The following RPH3AL variants were observed in gnomAD, a reference collection of about 807,000 sequenced individuals.
RPH3AL encodes rabphilin 3A like (without C2 domains).
A neutral mutation model predicts 43.1 loss-of-function variants in RPH3AL; 38 were observed. That is an observed-to-expected ratio of 0.88 (90% CI 0.68 to 1.15). The LOEUF (loss-of-function observed/expected upper bound fraction) is 1.15. Among genes scored for constraint, RPH3AL ranks in the 50% most tolerant of loss-of-function variants. The probability of loss-of-function intolerance (pLI) is 0.00; values close to 1 mark genes in which losing one functional copy is unlikely to be tolerated. For synonymous variants in RPH3AL, 189 were observed against 176.3 expected, an observed-to-expected ratio of 1.07 and a Z score of -0.57; for missense variants, 462 against 423.2, an observed-to-expected ratio of 1.09 and a Z score of -0.81.
chr17:304,963 GA>G (rs1342632590), intron 5 of RPH3AL, among the ~76,000 whole-genome samples: 8 of 51,974 alleles, frequency 1.5e-4, no homozygotes, highest in African/African-American at 5.1e-4. Context: ...GGGACAGGGC[GA>G]GAGGGGGACA....
intron 7 of RPH3AL, among the ~76,000 whole-genome samples, chr17:236,064 C>A (rs1391350927): frequency 6.7e-6 from 1 of 149,650 alleles, no homozygotes; most frequent in Non-Finnish European, 1.5e-5. Context: ...AGGTTCAAAG[C>A]TGGGGTCGGC....
intron 7 of RPH3AL, among the ~76,000 whole-genome samples, chr17:223,428 C>T (rs115067209): frequency 1.4e-3 from 208 of 152,246 alleles, no homozygotes; most frequent in African/African-American, 4.7e-3. Flanking sequence ...ATGCAAAACA[C>T]TGGTGGTTAC....
Position 333,445 on chromosome 17 carries a change from T to A in RPH3AL, c.-37+314A>T. On this transcript the variant is annotated intron_variant, in intron 2 of 9. Transcript: ENST00000331302. This position sits in a 1 kb window ranked among gnomAD's most constrained non-coding sequence, Gnocchi z 4.5. ...GTAATAAAATTGGGTTCTTACTGCA[T>A]ACGCTGCTTGCTGGTTTCTAAATAA... The A allele has an allele frequency of 4.1e-6, 2 of 488,422 alleles. No homozygotes were observed. The highest frequency in any genetic ancestry group is 7.1e-5 in the East Asian group (1 of 13,992). The allele number at this position is 488,422 out of a possible 1,614,324, so 30.3% of individuals were successfully genotyped here.
chr17:290,138 G>A lies in RPH3AL; in HGVS notation c.352-8284C>T, dbSNP rs775501875. On this transcript the variant is annotated intron_variant, in intron 5 of 9. Transcript: ENST00000331302. The surrounding 1 kb of genome is among the most constrained non-coding windows in gnomAD (Gnocchi z 4.2). ...GACAGGCTCCCTCCCGGAACATGCC[G>A]ACCTGCCGGGAAGACAAGCTGCACG... Among the ~76,000 whole-genome samples the A allele has an allele frequency of 5.9e-5, 9 of 152,222 alleles. No individual in the cohort carries two copies. The highest frequency in any genetic ancestry group is 1.9e-4 in the East Asian group (1 of 5,202).
chr17:275,661 C>T (rs1395447897), intron 6 of RPH3AL, among the ~76,000 whole-genome samples: 1 of 152,188 alleles, frequency 6.6e-6, no homozygotes, highest in Non-Finnish European at 1.5e-5. Context: ...AGTCCTCCCA[C>T]CTCAGCCTCC....
rs1241586772 is a variant in RPH3AL, at chr17:323,847, A to C, written c.78-2432T>G. 6.8e-6 allele frequency among the ~76,000 whole-genome samples: 1 copy of C among 147,000 alleles called. No individual in the cohort carries two copies. Among genetic ancestry groups the C allele is most frequent in the Non-Finnish European group, 1.5e-5 (1 of 66,572 alleles). ...CGCGAGACAGTCCAGACCCTCAGTC[A>C]CCTTGCGAGGCAGGCCTGGACCCTC... On this transcript the variant is annotated intron_variant, in intron 3 of 9. Transcript: ENST00000331302. This position sits in a 1 kb window ranked among gnomAD's most constrained non-coding sequence, Gnocchi z 4.4.
At chr17:214,005 T>A in intron 9 of RPH3AL, 82 bp from the exon 10 acceptor site, 1 of 1,063,482 alleles carries the variant, frequency 9.4e-7, no homozygotes, top group South Asian at 1.5e-5. Flanking sequence ...CCTTTGGGAA[T>A]GAGATGGAGG....
At chr17:226,522 T>G (rs1184104227) in intron 7 of RPH3AL, among the ~76,000 whole-genome samples, 6 of 152,046 alleles carry the variant, frequency 3.9e-5, no homozygotes, top group Non-Finnish European at 7.4e-5. Flanking sequence ...TCGAAAGAAA[T>G]AAACCAAAGG....
chr17:242,259 CTATTGAT>C (rs2041560182), intron 7 of RPH3AL, among the ~76,000 whole-genome samples: 4 of 131,204 alleles, frequency 3.0e-5, no homozygotes, highest in South Asian at 4.8e-4. Flanking sequence ...TTACCTTCCT[CTATTGAT>C]TACCTTCCTC....
intron 5 of RPH3AL, among the ~76,000 whole-genome samples, chr17:284,855 G>A (rs1050903766): frequency 1.3e-5 from 2 of 152,190 alleles, no homozygotes; most frequent in African/African-American, 4.8e-5. Context: ...GTGCCCACAC[G>A]GTCAGGTTCT....
chr17:217,363 C>G (rs1307351121), intron 8 of RPH3AL, among the ~76,000 whole-genome samples: 1 of 76,592 alleles, frequency 1.3e-5, no homozygotes, highest in African/African-American at 3.0e-5. Flanking sequence ...AAATTGGCCT[C>G]ACTGAAATCA....
chr17:346,548 C>T lies in RPH3AL; in HGVS notation c.-213+6164G>A, dbSNP rs139769129. Reference sequence around the variant, plus strand: ...CTTATTCACTCTCATGAGAACAGCACGGGAAAGACCCGCCCCCATGATTCA... The same window carrying T: ...CTTATTCACTCTCATGAGAACAGCATGGGAAAGACCCGCCCCCATGATTCA... On this transcript the variant is annotated intron_variant, in intron 1 of 9. Transcript: ENST00000331302. Among the ~76,000 whole-genome samples the T allele has an allele frequency of 8.8e-3, 1,179 of 133,700 alleles. 258 individuals carry two copies. Among genetic ancestry groups the T allele is most frequent in the Non-Finnish European group, 0.016 (925 of 58,908 alleles). 87.7% of individuals were successfully genotyped at this position (133,700 alleles called of 152,430 possible).
intron 9 of RPH3AL, 74 bp from the exon 10 acceptor site, chr17:213,997 T>C: frequency 1.7e-6 from 2 of 1,169,676 alleles, no homozygotes; most frequent in Non-Finnish European, 2.5e-6. Flanking sequence ...CAGCTCGGCC[T>C]TTGGGAATGA....
intron 6 of RPH3AL, among the ~76,000 whole-genome samples, chr17:273,094 G>A (rs373508921): frequency 3.0e-3 from 349 of 117,156 alleles, no homozygotes; most frequent in Middle Eastern, 6.6e-3. Flanking sequence ...CCCCAGCGAG[G>A]GTGACGTCAG....
rs374171930 is a variant in RPH3AL at position 262,503 on chromosome 17, C to T, written c.439-15218G>A. ...TGCTGGGATTACAGGCGTGAGCCAC[C>T]GCACCCGGCCAACAAAATAATTTTT... On this transcript the variant is annotated intron_variant, in intron 6 of 9. Transcript: ENST00000331302. Among the ~76,000 whole-genome samples the T allele has an allele frequency of 1.3e-3, 192 of 152,150 alleles. 1 individual carries two copies. Among genetic ancestry groups the T allele is most frequent in the East Asian group, 3.7e-3 (19 of 5,122 alleles).
At chr17:338,668 T>A (rs2045025876) in intron 1 of RPH3AL, 1 of 152,152 alleles carries the variant, frequency 6.6e-6, no homozygotes, top group African/African-American at 2.4e-5. Context: ...ATGCTATTTG[T>A]CTTTTAATGC....
Position 264,005 on chromosome 17 carries a change from G to A in RPH3AL, c.439-16720C>T, listed in dbSNP as rs1298057699. Among the ~76,000 whole-genome samples the A allele has an allele frequency of 8.5e-5, 13 of 152,132 alleles. No homozygotes were observed. Among genetic ancestry groups the A allele is most frequent in the African/African-American group, 2.2e-4 (9 of 41,412 alleles). ...GGCCTGAGGGTATCGTGCTGTTAGC[G>A]GACGCGATGCTGCTTTCCAAGATGG... is the stretch of plus-strand genomic sequence containing the variant. On this transcript the variant is annotated intron_variant, in intron 6 of 9. Transcript: ENST00000331302. The surrounding 1 kb of genome is among the most constrained non-coding windows in gnomAD (Gnocchi z 4.8).
chr17:285,202 T>C (rs1598012521), intron 5 of RPH3AL, among the ~76,000 whole-genome samples: 2 of 136,594 alleles, frequency 1.5e-5, no homozygotes, highest in Non-Finnish European at 3.5e-5. Context: ...TCGGTCCCCC[T>C]GAGCCTGCAC....
intron 5 of RPH3AL, among the ~76,000 whole-genome samples, chr17:305,710 C>A (rs1375806407): frequency 1.3e-5 from 2 of 152,114 alleles, no homozygotes; most frequent in Non-Finnish European, 2.9e-5. Context: ...ACCTGGTGGG[C>A]TCCTCTCCTC....
Sources: allele counts gnomAD v4.1 joint callset (sites outside exome capture counted in the v4.1 genomes callset), GRCh38; gene constraint gnomAD v4.1.1; non-coding constraint Gnocchi (gnomAD v3.1); transcripts MANE v1.5; gene names NCBI Gene and HGNC (gene_info 2026-07-23, HGNC 2026-07-21).